The following PFDN2 variants were observed in gnomAD, a reference collection of about 807,000 sequenced individuals.
The protein encoded by PFDN2 is prefoldin 2.
PFDN2 carries 7 observed loss-of-function variants against 18.3 expected under a neutral mutation model. That is an observed-to-expected ratio of 0.38 (90% CI 0.22 to 0.72). PFDN2 has a LOEUF of 0.72. Ranked by LOEUF, PFDN2 falls within the 30% of genes least tolerant of loss-of-function variation. The pLI, the probability that PFDN2 is intolerant of heterozygous loss-of-function variation, is 0.47. For synonymous variants in PFDN2, 76 were observed against 75.0 expected, an observed-to-expected ratio of 1.01 and a Z score of -0.07; for missense variants, 181 against 199.1, an observed-to-expected ratio of 0.91 and a Z score of 0.55.
At chr1:161,116,278 G>A (rs1654916957) in intron 1 of PFDN2, among the ~76,000 whole-genome samples, 2 of 152,124 alleles carry the variant, frequency 1.3e-5, no homozygotes, top group Non-Finnish European at 2.9e-5. Context: ...CACTCTGGGA[G>A]GCCAAGGCAG....
intron 1 of PFDN2, among the ~76,000 whole-genome samples, chr1:161,110,563 C>T (rs1654782719): frequency 6.6e-6 from 1 of 151,998 alleles, no homozygotes; most frequent in African/African-American, 2.4e-5. Context: ...ATAATCATTA[C>T]CTTTCTCTCC....
At chr1:161,115,993 C>T (rs1654907095) in intron 1 of PFDN2, among the ~76,000 whole-genome samples, 1 of 152,154 alleles carries the variant, frequency 6.6e-6, no homozygotes, top group Admixed American at 6.5e-5. Flanking sequence ...GAGACCAAGG[C>T]AGGTGGATCA....
At chr1:161,117,900 C>T in intron 1 of PFDN2, 52 bp downstream of exon 1, 1 of 1,472,330 alleles carries the variant, frequency 6.8e-7, no homozygotes, top group South Asian at 1.2e-5. Flanking sequence ...CCCCTTCTCG[C>T]TAGTATTCCA....
chr1:161,109,292 CT>C, intron 1 of PFDN2, among the ~76,000 whole-genome samples: 1 of 152,310 alleles, frequency 6.6e-6, no homozygotes, highest in East Asian at 1.9e-4. Context: ...CAGGTTTCAA[CT>C]TAGATTCTTC....
intron 1 of PFDN2, among the ~76,000 whole-genome samples, chr1:161,107,958 A>AATAC (rs1654718470): frequency 6.7e-6 from 1 of 150,298 alleles, no homozygotes; most frequent in African/African-American, 2.5e-5. Flanking sequence ...TACTAAAAAT[A>AATAC]CAAAAAATTA....
chr1:161,112,354 G>T lies in PFDN2; in HGVS notation c.75+5598C>A, dbSNP rs186473587. ...TAAACTCATGTTGTTCAAAGCTGAA[G>T]TGATCTTATCTCTTCTATTTCTGCT... On this transcript the variant is annotated intron_variant, in intron 1 of 3. Transcript: ENST00000368010. Among the ~76,000 whole-genome samples, 10 of 152,332 alleles carry T rather than the reference G, an allele frequency of 6.6e-5. 1 individual carries two copies. The highest frequency in any genetic ancestry group is 4.1e-4 in the South Asian group (2 of 4,834).
chr1:161,107,158 G>A (rs1051596851), intron 1 of PFDN2, among the ~76,000 whole-genome samples: 8 of 152,204 alleles, frequency 5.3e-5, no homozygotes, highest in Non-Finnish European at 1.0e-4. Flanking sequence ...GGGCATGATG[G>A]CTCACGCCTG....
Position 161,117,846 on chromosome 1 carries a change from G to A in PFDN2, c.75+106C>T. On this transcript the variant is annotated intron_variant, in intron 1 of 3. Transcript: ENST00000368010. ...GGACCCTTCCCTCTCTAGGTGCCACGCACATGTGGTGCTGGAGTAAAGGCC... is the reference window on the plus strand; with the variant it reads ...GGACCCTTCCCTCTCTAGGTGCCACACACATGTGGTGCTGGAGTAAAGGCC... The A allele has an allele frequency of 4.0e-6, 4 of 1,011,686 alleles. No homozygotes were observed. In the South Asian group the frequency reaches 4.9e-5, roughly 12 times the overall value. 62.7% of individuals were successfully genotyped at this position (1,011,686 alleles called of 1,614,324 possible).
intron 1 of PFDN2, among the ~76,000 whole-genome samples, chr1:161,104,497 G>A (rs1654640562): frequency 6.7e-6 from 1 of 149,368 alleles, no homozygotes; most frequent in East Asian, 2.0e-4. Flanking sequence ...AGGCTGGAGT[G>A]CAGTGGCACA....
intron 1 of PFDN2, among the ~76,000 whole-genome samples, chr1:161,117,163 G>A (rs993018791): frequency 6.6e-6 from 1 of 152,146 alleles, no homozygotes; most frequent in Admixed American, 6.5e-5. Flanking sequence ...AATGAACCAC[G>A]AGGCGGATTG....
chr1:161,100,584 CA>C lies in PFDN2; in HGVS notation c.*98del. On this transcript the variant is annotated 3_prime_UTR_variant, in exon 4 of 4. Coordinates refer to ENST00000368010, the MANE Select transcript of PFDN2 (RefSeq NM_012394.4). ...GATTCTGACCAAAACATTTAATTAA[CA>C]AAAAAATATTACAATAGCAGAGAAA... 2.1e-6 allele frequency: 2 copies of C among 959,794 alleles called. No individual in the cohort carries two copies. The highest frequency in any genetic ancestry group is 3.0e-6 in the Non-Finnish European group (2 of 665,276). The allele number at this position is 959,794 out of a possible 1,614,324, so 59.5% of individuals were successfully genotyped here.
intron 1 of PFDN2, among the ~76,000 whole-genome samples, chr1:161,109,365 T>C (rs4656985): frequency 0.36 from 55,153 of 152,158 alleles, 10,218 homozygotes; most frequent in East Asian, 0.43. Context: ...TATGTGCTCA[T>C]ATAAAAATGC....
chr1:161,112,901 T>TAA (rs569560143), intron 1 of PFDN2, among the ~76,000 whole-genome samples: 37 of 121,944 alleles, frequency 3.0e-4, no homozygotes, highest in Middle Eastern at 4.0e-3. Context: ...ATAAAATATG[T>TAA]AAAAAAAAAA....
At chr1:161,115,400 A>C (rs1166157113) in intron 1 of PFDN2, among the ~76,000 whole-genome samples, 2 of 152,244 alleles carry the variant, frequency 1.3e-5, no homozygotes, top group African/African-American at 2.4e-5. Context: ...ACTGTTGTGA[A>C]TAGCGTGATG....
At chr1:161,107,984 G>A (rs1182151540) in intron 1 of PFDN2, among the ~76,000 whole-genome samples, 9 of 150,636 alleles carry the variant, frequency 6.0e-5, no homozygotes, top group Admixed American at 4.0e-4. Flanking sequence ...ATGTGGTGGC[G>A]TGTGCCTGTA....
chr1:161,111,416 A>G (rs949879434), intron 1 of PFDN2, among the ~76,000 whole-genome samples: 26 of 152,344 alleles, frequency 1.7e-4, no homozygotes, highest in African/African-American at 5.8e-4. Context: ...CACTACTGAC[A>G]TGTTAGGCCA....
In PFDN2 at chr1:161,102,874, T is replaced by C. The variant is rs544951164; in HGVS notation, c.76-499A>G. ...TTGGGAGGCTGAGGCAGGAGAATCA[T>C]TTGAACCCGGGAGGCAGAGGTTGCA... is the stretch of plus-strand genomic sequence containing the variant. On this transcript the variant is annotated intron_variant, in intron 1 of 3. Transcript: ENST00000368010. Among the ~76,000 whole-genome samples the C allele has an allele frequency of 3.2e-3, 484 of 151,604 alleles. 5 individuals carry two copies. The highest frequency in any genetic ancestry group is 0.02 in the South Asian group (96 of 4,794).
chr1:161,104,711 G>A (rs1654645603), intron 1 of PFDN2, among the ~76,000 whole-genome samples: 1 of 152,062 alleles, frequency 6.6e-6, no homozygotes. Context: ...TTACAGGCAT[G>A]AGCCAACATG....
chr1:161,106,514 T>TTATCC (rs1654680041), intron 1 of PFDN2, among the ~76,000 whole-genome samples: 1 of 152,202 alleles, frequency 6.6e-6, no homozygotes, highest in Non-Finnish European at 1.5e-5. Flanking sequence ...TAGGACCTAA[T>TTATCC]TATCCTTCCC....
Sources: gnomAD v4.1 joint callset for allele counts (sites outside exome capture counted in the v4.1 genomes callset) on GRCh38, gnomAD v4.1.1 for gene constraint, MANE v1.5 for transcripts, NCBI Gene and HGNC (gene_info 2026-07-23, HGNC 2026-07-21) for gene names.